The following SDK2 variants were observed in gnomAD, a reference collection of about 807,000 sequenced individuals.
The protein encoded by SDK2 is protein sidekick-2.
In SDK2, 105 loss-of-function variants were observed where a neutral mutation model predicts 253.9. The ratio of observed to expected loss-of-function variants is 0.41; its 90% CI spans 0.35 to 0.49. The LOEUF (loss-of-function observed/expected upper bound fraction) is 0.49. Ranked by LOEUF, SDK2 falls within the 20% of genes least tolerant of loss-of-function variation. The pLI is 0.06. For missense variants in SDK2, 2,608 were observed against 3,003.0 expected (o/e 0.87, Z 3.07); for synonymous variants, 1,249 against 1,234.9 (o/e 1.01, Z -0.24).
chr17:73,341,906 G>A (rs779868730), intron 44 of SDK2, among the ~76,000 whole-genome samples: 2 of 152,094 alleles, frequency 1.3e-5, no homozygotes, highest in African/African-American at 4.8e-5. Flanking sequence ...CCTGAGCACC[G>A]ACGCTGCCTG....
intron 2 of SDK2, among the ~76,000 whole-genome samples, chr17:73,479,002 C>T (rs534868433): frequency 6.6e-6 from 1 of 152,386 alleles, no homozygotes; most frequent in South Asian, 2.1e-4. Flanking sequence ...GCACGCCGTG[C>T]TGTGCACACA....
At chr17:73,592,436 G>A (rs1411195876) in intron 1 of SDK2, among the ~76,000 whole-genome samples, 2 of 152,234 alleles carry the variant, frequency 1.3e-5, no homozygotes, top group African/African-American at 4.8e-5. Context: ...AGTGTGGGAG[G>A]GAAAGAGTCT....
intron 1 of SDK2, among the ~76,000 whole-genome samples, chr17:73,530,675 A>T (rs1281314203): frequency 6.6e-6 from 1 of 152,196 alleles, no homozygotes; most frequent in Non-Finnish European, 1.5e-5. Context: ...TACCACATGC[A>T]TCCCTTTCAC....
intron 32 of SDK2, among the ~76,000 whole-genome samples, chr17:73,384,730 C>A (rs766434864): frequency 1.3e-5 from 2 of 152,204 alleles, no homozygotes; most frequent in Admixed American, 6.5e-5. Context: ...GAAAGAGAAT[C>A]GTGTGAAGCT....
chr17:73,348,306 C>T (rs911115002), intron 44 of SDK2, among the ~76,000 whole-genome samples: 1 of 152,210 alleles, frequency 6.6e-6, no homozygotes, highest in African/African-American at 2.4e-5. Flanking sequence ...TGCAGGACAG[C>T]CCTAATGAGT....
Position 73,639,356 on chromosome 17 carries a change from G to C in SDK2, c.64+4669C>G, listed in dbSNP as rs180684057. 6.6e-6 allele frequency among the ~76,000 whole-genome samples: 1 copy of C among 152,124 alleles called. No individual in the cohort carries two copies. The highest frequency in any genetic ancestry group is 1.5e-5 in the Non-Finnish European group (1 of 68,012). On this transcript the variant is annotated intron_variant, in intron 1 of 44. Transcript: ENST00000392650. The surrounding 1 kb of genome is among the most constrained non-coding windows in gnomAD (Gnocchi z 4.3). ...CAGTCCCCTCTCTCCCTTCCCCCGG[G>C]GATGCTGAGCATCCCTGCTCAACGC...
rs1006476515 is a variant in SDK2 at position 73,618,662 on chromosome 17, G to C, written c.64+25363C>G. 6.6e-6 allele frequency among the ~76,000 whole-genome samples: 1 copy of C among 152,160 alleles called. No homozygotes were observed. Among genetic ancestry groups the C allele is most frequent in the African/African-American group, 2.4e-5 (1 of 41,444 alleles). The stretch of plus-strand genomic sequence containing the variant: ...GCATGGGGGAGTCAGGGAAGCAGAG[G>C]CCAAGCAAGACTCTTCTACAGGGAA... On this transcript the variant is annotated intron_variant, in intron 1 of 44. Transcript: ENST00000392650. This position sits in a 1 kb window ranked among gnomAD's most constrained non-coding sequence, Gnocchi z 4.1.
chr17:73,551,175 T>C (rs1204226297), intron 1 of SDK2, among the ~76,000 whole-genome samples: 1 of 152,132 alleles, frequency 6.6e-6, no homozygotes, highest in Non-Finnish European at 1.5e-5. Context: ...AGCCGGGGAC[T>C]CCACGCGCAC....
intron 1 of SDK2, among the ~76,000 whole-genome samples, chr17:73,604,855 C>T (rs773522687): frequency 6.6e-6 from 1 of 152,136 alleles, no homozygotes; most frequent in Non-Finnish European, 1.5e-5. Context: ...GGCGAGGATG[C>T]CATCAGCACA....
intron 2 of SDK2, among the ~76,000 whole-genome samples, chr17:73,474,655 G>A (rs181880945): frequency 2.0e-5 from 3 of 152,254 alleles, no homozygotes; most frequent in African/African-American, 4.8e-5. Context: ...CTCTTCCTCC[G>A]TTCACCTCAT....
In SDK2 at chr17:73,423,783, G is replaced by C. The variant is rs2063254887; in HGVS notation, c.1760+133C>G. 3 of 830,762 alleles carry C rather than the reference G, an allele frequency of 3.6e-6. No individual in the cohort carries two copies. In the African/African-American group the frequency reaches 5.1e-5, roughly 14 times the overall value. 51.5% of individuals were successfully genotyped at this position (830,762 alleles called of 1,614,324 possible). A position where few individuals can be genotyped will look rare whatever the true frequency, so the allele number is the denominator to read the frequency against. ...AGGCCTGGAAGGATGCTGGGGGTAT[G>C]TCCTGAGCAAAGCTGAACAGTTCAG... is the stretch of plus-strand genomic sequence containing the variant. On this transcript the variant is annotated intron_variant, in intron 13 of 44. Coordinates refer to ENST00000392650, the MANE Select transcript of SDK2 (RefSeq NM_001144952.2).
At chr17:73,398,473 C>T in intron 22 of SDK2, 44 bp from the exon 23 acceptor site, 1 of 1,538,570 alleles carries the variant, frequency 6.5e-7, no homozygotes, top group Non-Finnish European at 9.0e-7. Flanking sequence ...CTACAGGGCC[C>T]ACACGGGGTG....
intron 24 of SDK2, among the ~76,000 whole-genome samples, chr17:73,396,504 T>C (rs2062971999): frequency 6.6e-6 from 1 of 152,022 alleles, no homozygotes; most frequent in African/African-American, 2.4e-5. Context: ...CAACCTCCCC[T>C]GCTCACTACA....
At chr17:73,491,406 T>C (rs1173837176) in intron 2 of SDK2, among the ~76,000 whole-genome samples, 1 of 148,358 alleles carries the variant, frequency 6.7e-6, no homozygotes, top group Non-Finnish European at 1.5e-5. Flanking sequence ...AGGGTCTTGC[T>C]CTGTCACCCA....
rs1294791549 is a variant in SDK2 at position 73,386,496 on chromosome 17, C to T, written c.4447G>A (p.Gly1483Ser). The T allele has an allele frequency of 2.6e-6, 4 of 1,562,486 alleles. No individual in the cohort carries two copies. In the African/African-American group the frequency reaches 5.4e-5, roughly 21 times the overall value. Residue 1483 changes from glycine to serine, a missense_variant, in exon 31 of 45, where the codon GGC (glycine) becomes AGC (serine). Physicochemically the swap from Gly to Ser is moderately conservative, Grantham distance 56. This residue lies in a region of SDK2 where 1,103 missense variants were observed against 1,143.9 expected (regional missense o/e 0.96). Coordinates refer to ENST00000392650, the MANE Select transcript of SDK2 (RefSeq NM_001144952.2). Reference sequence around the variant, plus strand: ...GACTCCTCGCTGAACTCGCTGTCGCCAATGTCATTGGTCGCCTTCACTCGG... The same window carrying T: ...GACTCCTCGCTGAACTCGCTGTCGCTAATGTCATTGGTCGCCTTCACTCGG... Reference protein sequence around the residue: ...KFRVKATNDIGDSEFSEESES... With the variant: ...KFRVKATNDISDSEFSEESES...
intron 1 of SDK2, among the ~76,000 whole-genome samples, chr17:73,524,956 C>G (rs1198079497): frequency 6.6e-6 from 1 of 152,256 alleles, no homozygotes; most frequent in African/African-American, 2.4e-5. Flanking sequence ...CTTGGGCTGC[C>G]TGGGAAAGGC....
rs552582865 is a variant in SDK2 at position 73,609,207 on chromosome 17, T to G, written c.64+34818A>C. 4.0e-5 allele frequency among the ~76,000 whole-genome samples: 4 copies of G among 99,338 alleles called. No individual in the cohort carries two copies. The highest frequency in any genetic ancestry group is 6.3e-5 in the Non-Finnish European group (3 of 47,972). 65.2% of individuals were successfully genotyped at this position (99,338 alleles called of 152,430 possible). A position where few individuals can be genotyped will look rare whatever the true frequency, so the allele number is the denominator to read the frequency against. ...GAATGCAGTGTTGGAGAGATAAGCC[T>G]GGAGTGTGAGAGATGGGTCTGGGCT... On this transcript the variant is annotated intron_variant, in intron 1 of 44. Coordinates refer to ENST00000392650, the MANE Select transcript of SDK2 (RefSeq NM_001144952.2). The surrounding 1 kb of genome is among the most constrained non-coding windows in gnomAD (Gnocchi z 4.4).
intron 3 of SDK2, among the ~76,000 whole-genome samples, chr17:73,464,975 C>T (rs575264436): frequency 6.6e-6 from 1 of 152,306 alleles, no homozygotes; most frequent in Admixed American, 6.5e-5. Flanking sequence ...TCCCCACTGC[C>T]TGGAACAGTG....
At chr17:73,369,246 G>C (rs1482107119) in intron 36 of SDK2, 6 of 458,228 alleles carry the variant, frequency 1.3e-5, no homozygotes, top group African/African-American at 1.2e-4. Flanking sequence ...GGGGAGATAA[G>C]GCAGTGTGGA....
Sources: gnomAD v4.1 joint callset for allele counts (sites outside exome capture counted in the v4.1 genomes callset) on GRCh38, gnomAD v4.1.1 for gene constraint, gnomAD v4.1.1 regional missense constraint, Gnocchi (gnomAD v3.1) non-coding constraint, MANE v1.5 for transcripts, NCBI Gene and HGNC (gene_info 2026-07-23, HGNC 2026-07-21) for gene names.